The following SH3PXD2B variants were observed in gnomAD, a reference collection of about 807,000 sequenced individuals.
SH3PXD2B encodes the protein SH3 and PX domain-containing protein 2B.
A neutral mutation model predicts 73.1 loss-of-function variants in SH3PXD2B; 37 were observed. The ratio of observed to expected loss-of-function variants is 0.51; its 90% CI spans 0.39 to 0.67. SH3PXD2B has a LOEUF of 0.67. Among genes scored for constraint, SH3PXD2B ranks in the 30% least tolerant of loss-of-function variants. The probability of loss-of-function intolerance (pLI) is 0.00; values close to 1 mark genes in which losing one functional copy is unlikely to be tolerated. For synonymous variants in SH3PXD2B, 457 were observed against 480.5 expected, an observed-to-expected ratio of 0.95 and a Z score of 0.64; for missense variants, 1,053 against 1,197.8, an observed-to-expected ratio of 0.88 and a Z score of 1.78.
intron 6 of SH3PXD2B, among the ~76,000 whole-genome samples, chr5:172,371,434 C>T (rs957899829): frequency 3.9e-5 from 6 of 152,208 alleles, no homozygotes; most frequent in South Asian, 2.1e-4. Flanking sequence ...GATAAGCCTT[C>T]TCCAAAGCAG....
At chr5:172,440,211 C>T (rs2113503731) in intron 1 of SH3PXD2B, among the ~76,000 whole-genome samples, 1 of 152,368 alleles carries the variant, frequency 6.6e-6, no homozygotes, top group East Asian at 1.9e-4. Flanking sequence ...AGAGCACCCA[C>T]TACGCGCAAG....
intron 2 of SH3PXD2B, among the ~76,000 whole-genome samples, chr5:172,409,354 C>T (rs1212254150): frequency 6.6e-6 from 1 of 152,118 alleles, no homozygotes; most frequent in Non-Finnish European, 1.5e-5. Context: ...TGCACTACAG[C>T]CTGGACAACA....
intron 5 of SH3PXD2B, among the ~76,000 whole-genome samples, chr5:172,381,584 T>C (rs1757946893): frequency 6.6e-6 from 1 of 151,392 alleles, no homozygotes; most frequent in African/African-American, 2.4e-5. Context: ...TTGGAGAGCT[T>C]CGGAGCCTGG....
At chr5:172,333,225 G>A (rs560835426), downstream of SH3PXD2B, among the ~76,000 whole-genome samples, 33 of 152,236 alleles carry the variant, frequency 2.2e-4, no homozygotes, top group African/African-American at 7.5e-4. Context: ...GTGAGCCACT[G>A]GGCCTGGACC....
At position 172,348,654 on chromosome 5, in the gene SH3PXD2B, C is replaced by CTAT. The variant is rs1440672001; in HGVS notation, c.1013-1323_1013-1322insATA. On this transcript the variant is annotated intron_variant, in intron 10 of 12. Transcript: ENST00000311601. The stretch of plus-strand genomic sequence containing the variant: ...TCTATCTATGTATCTATCTATCTAT[C>CTAT]CTATCTATCTATCTATCTATCTATC... Among the ~76,000 whole-genome samples the CTAT allele has an allele frequency of 9.0e-3, 541 of 60,218 alleles. 8 individuals carry two copies. Among genetic ancestry groups the CTAT allele is most frequent in the African/African-American group, 0.03 (478 of 15,816 alleles). 39.5% of individuals were successfully genotyped at this position (60,218 alleles called of 152,430 possible).
downstream of SH3PXD2B, among the ~76,000 whole-genome samples, chr5:172,332,357 A>T (rs1323108438): frequency 6.7e-6 from 1 of 150,262 alleles, no homozygotes; most frequent in African/African-American, 2.5e-5. Flanking sequence ...GGGCTCAAGC[A>T]ATCCTCCCAC....
chr5:172,355,316 A>C (rs900375475), intron 8 of SH3PXD2B, among the ~76,000 whole-genome samples: 1 of 152,170 alleles, frequency 6.6e-6, no homozygotes, highest in African/African-American at 2.4e-5. Context: ...AGCTGCACAT[A>C]TCCTGTGCTC....
At chr5:172,368,964 G>A (rs1255044482) in intron 6 of SH3PXD2B, among the ~76,000 whole-genome samples, 2 of 147,340 alleles carry the variant, frequency 1.4e-5, no homozygotes, top group Non-Finnish European at 3.0e-5. Flanking sequence ...GTGCAATCTC[G>A]GTTCACTGCA....
intron 3 of SH3PXD2B, among the ~76,000 whole-genome samples, chr5:172,398,262 T>C (rs191171116): frequency 7.7e-4 from 117 of 152,378 alleles, no homozygotes; most frequent in African/African-American, 2.7e-3. Context: ...TAGTTATTGA[T>C]CTTAAAGATT....
chr5:172,354,493 G>A (rs1482689239), intron 8 of SH3PXD2B, among the ~76,000 whole-genome samples: 2 of 152,322 alleles, frequency 1.3e-5, no homozygotes, highest in Non-Finnish European at 2.9e-5. Flanking sequence ...CACTGGGCAT[G>A]GTGCTTGGAA....
intron 4 of SH3PXD2B, among the ~76,000 whole-genome samples, chr5:172,387,434 TC>T (rs1381343530): frequency 6.6e-6 from 1 of 152,226 alleles, no homozygotes; most frequent in Admixed American, 6.5e-5. Flanking sequence ...GGTGAAATGT[TC>T]CTAGAAATAT....
chr5:172,379,220 T>C (rs758232032), intron 5 of SH3PXD2B, among the ~76,000 whole-genome samples: 6 of 151,232 alleles, frequency 4.0e-5, no homozygotes, highest in Non-Finnish European at 8.8e-5. Flanking sequence ...ATTAGCGCCT[T>C]TATGAGAAGA....
chr5:172,351,548 C>T (rs1407513294), intron 9 of SH3PXD2B, among the ~76,000 whole-genome samples: 1 of 152,204 alleles, frequency 6.6e-6, no homozygotes, highest in Admixed American at 6.5e-5. Flanking sequence ...CATTTAGTGA[C>T]ATCACACTGA....
chr5:172,376,039 T>C (rs1452750563), intron 5 of SH3PXD2B, among the ~76,000 whole-genome samples: 1 of 151,452 alleles, frequency 6.6e-6, no homozygotes, highest in African/African-American at 2.4e-5. Flanking sequence ...TCTTTTTTTT[T>C]TTTTTTTTGA....
chr5:172,384,075 G>A (rs1053885157), intron 4 of SH3PXD2B, among the ~76,000 whole-genome samples: 15 of 151,950 alleles, frequency 9.9e-5, no homozygotes, highest in African/African-American at 3.6e-4. Flanking sequence ...TCGATCTCCT[G>A]ACCTCGTGAT....
chr5:172,412,793 T>C (rs1308885886), intron 2 of SH3PXD2B, among the ~76,000 whole-genome samples: 1 of 151,936 alleles, frequency 6.6e-6, no homozygotes, highest in Non-Finnish European at 1.5e-5. Context: ...TCCTTGGTAA[T>C]GAGAAAACCC....
At chr5:172,362,099 A>G (rs1757416442) in intron 7 of SH3PXD2B, among the ~76,000 whole-genome samples, 1 of 152,244 alleles carries the variant, frequency 6.6e-6, no homozygotes, top group Admixed American at 6.5e-5. Flanking sequence ...ACTGTGTGCT[A>G]AGCACAAGTT....
intron 1 of SH3PXD2B, among the ~76,000 whole-genome samples, chr5:172,436,909 G>C (rs1368143508): frequency 1.3e-5 from 2 of 152,292 alleles, no homozygotes; most frequent in South Asian, 4.1e-4. Context: ...TCAGGACTAT[G>C]TCCGAAGGTC....
downstream of SH3PXD2B, chr5:172,333,389 C>G: frequency 1.7e-6 from 1 of 588,498 alleles, no homozygotes; most frequent in Non-Finnish European, 2.3e-6. Flanking sequence ...TATTTCTCCA[C>G]AGTTCCCAAA....
Sources: gnomAD v4.1 joint callset for allele counts (sites outside exome capture counted in the v4.1 genomes callset) on GRCh38, gnomAD v4.1.1 for gene constraint, MANE v1.5 for transcripts, NCBI Gene and HGNC (gene_info 2026-07-23, HGNC 2026-07-21) for gene names.